Variants in PCF11 observed in about 807,000 individuals in gnomAD.
PCF11 encodes the protein PCF11 cleavage and polyadenylation factor subunit.
PCF11 carries 19 observed loss-of-function variants against 166.1 expected under a neutral mutation model. That is an observed-to-expected ratio of 0.11 (90% CI 0.08 to 0.17). The LOEUF is 0.17. PCF11 is among the 10% of genes least tolerant of loss of function. The pLI is 1.00. For missense variants in PCF11, 1,565 were observed against 1,855.5 expected (o/e 0.84, Z 2.88); for synonymous variants, 663 against 644.1 (o/e 1.03, Z -0.44).
At chr11:83,159,476 C>T (rs1032632996) in intron 1 of PCF11, among the ~76,000 whole-genome samples, 2 of 151,970 alleles carry the variant, frequency 1.3e-5, no homozygotes, top group African/African-American at 4.8e-5. Flanking sequence ...TTAATGGATC[C>T]GGAAGACCTT....
exon 1 of PCF11, chr11:83,157,273 C>T: frequency 1.6e-6 from 1 of 614,352 alleles, no homozygotes; most frequent in Non-Finnish European, 2.8e-6. Flanking sequence ...CGTTTCATAC[C>T]CGAGGTTCCC....
intron 1 of PCF11, 100 bp downstream of exon 1, chr11:83,157,731 TC>T: frequency 9.0e-7 from 1 of 1,107,928 alleles, no homozygotes; most frequent in Non-Finnish European, 1.3e-6. Flanking sequence ...GGGACAGTGT[TC>T]CTTCTCTCCA....
At chr11:83,171,384 A>G (rs577972092) in intron 8 of PCF11, 3 of 420,484 alleles carry the variant, frequency 7.1e-6, no homozygotes, top group African/African-American at 4.1e-5. Flanking sequence ...TTTTGCTCCT[A>G]ACTAGCCCTT....
exon 16 of PCF11, chr11:83,185,032 T>TAATA: frequency 1.7e-6 from 1 of 572,440 alleles, no homozygotes; most frequent in Non-Finnish European, 3.0e-6. Flanking sequence ...ATCATTTGGT[T>TAATA]AATAAATACA....
intron 9 of PCF11, among the ~76,000 whole-genome samples, chr11:83,172,573 C>T (rs1033818457): frequency 2.0e-5 from 3 of 152,094 alleles, no homozygotes; most frequent in Non-Finnish European, 4.4e-5. Context: ...CAGGCGTGTG[C>T]CACCAGACTG....
At position 83,182,019 on chromosome 11, in the gene PCF11, G is replaced by A. The variant is rs756480620; in HGVS notation, c.4323+10G>A. The A allele has an allele frequency of 1.9e-6, 3 of 1,589,246 alleles. No individual in the cohort carries two copies. The highest frequency in any genetic ancestry group is 1.9e-5 in the Admixed American group (1 of 53,362). ...AGCTGGAGCAGTTGAGGTGAGAGAA[G>A]AACGTTTAAGTTTTCTCACAGTGGG... On this transcript the variant is annotated intron_variant, in intron 13 of 15. Coordinates refer to ENST00000298281, the Ensembl canonical transcript of PCF11.
At chr11:83,174,314 G>A (rs1860801037) in intron 9 of PCF11, among the ~76,000 whole-genome samples, 2 of 151,906 alleles carry the variant, frequency 1.3e-5, no homozygotes, top group Non-Finnish European at 2.9e-5. Context: ...GTCATCTGCT[G>A]TATGCTAGGC....
exon 8 of PCF11, chr11:83,169,484 C>G: frequency 1.2e-6 from 2 of 1,613,424 alleles, no homozygotes. Context: ...TCACTCTTGC[C>G]AAGATTTGAT....
chr11:83,161,112 G>C (rs557558477), intron 1 of PCF11, among the ~76,000 whole-genome samples: 8 of 151,714 alleles, frequency 5.3e-5, no homozygotes, highest in Admixed American at 1.3e-4. Context: ...GATTACAGCT[G>C]TTGTTCATCC....
At chr11:83,185,254 A>G (rs1473646262) in exon 16 of PCF11, 1 of 159,842 alleles carries the variant, frequency 6.3e-6, no homozygotes, top group Non-Finnish European at 1.4e-5. Flanking sequence ...TGTACTTTTT[A>G]TTGGGTAAAA....
chr11:83,184,844 G>T, exon 16 of PCF11: 1 of 1,580,460 alleles, frequency 6.3e-7, no homozygotes, highest in Non-Finnish European at 8.5e-7. Flanking sequence ...GGAAAGCATA[G>T]CAACACCCTC....
chr11:83,177,977 C>T (rs556287571), intron 11 of PCF11, among the ~76,000 whole-genome samples, 158 bp downstream of exon 11: 4 of 148,122 alleles, frequency 2.7e-5, no homozygotes, highest in Admixed American at 2.7e-4. Context: ...GTAAAATATA[C>T]ATAACATAGT....
At chr11:83,173,586 TGTC>T (rs1413600454) in intron 9 of PCF11, among the ~76,000 whole-genome samples, 1 of 151,610 alleles carries the variant, frequency 6.6e-6, no homozygotes, top group Non-Finnish European at 1.5e-5. Context: ...ACTTGTAACT[TGTC>T]AAGTGCTATA....
intron 9 of PCF11, among the ~76,000 whole-genome samples, chr11:83,176,118 A>G (rs915275446): frequency 1.8e-4 from 28 of 152,306 alleles, no homozygotes; most frequent in East Asian, 9.7e-4. Context: ...ATATAAAACT[A>G]CTTTTTCCAG....
At chr11:83,170,157 G>T (rs1313074762) in intron 8 of PCF11, among the ~76,000 whole-genome samples, 162 bp downstream of exon 8, 1 of 152,128 alleles carries the variant, frequency 6.6e-6, no homozygotes, top group Non-Finnish European at 1.5e-5. Flanking sequence ...CATCTTTTGG[G>T]GATGAAATTT....
intron 15 of PCF11, 159 bp from the exon 16 acceptor site, chr11:83,184,520 G>A: frequency 1.6e-6 from 1 of 612,154 alleles, no homozygotes; most frequent in East Asian, 2.9e-5. Flanking sequence ...TTTATTTCTG[G>A]TTGTCTTTAT....
exon 16 of PCF11, chr11:83,185,614 A>G (rs573353097): frequency 1.3e-5 from 2 of 152,666 alleles, no homozygotes; most frequent in African/African-American, 4.8e-5. Context: ...TTTTTTTTAA[A>G]GACTTTTTCA....
At chr11:83,166,465 A>T (rs143961720) in exon 5 of PCF11, 1 of 1,614,010 alleles carries the variant, frequency 6.2e-7, no homozygotes, top group East Asian at 2.2e-5. Flanking sequence ...AAGATTCGCC[A>T]ATCTGGAGCT....
chr11:83,184,676 T>C lies in PCF11; in HGVS notation c.4453-3T>C, dbSNP rs747059526. On this transcript the variant is annotated splice_region_variant and splice_polypyrimidine_tract_variant and intron_variant, in intron 15 of 15. Transcript: ENST00000298281. ...AGTACTCATAGGGCCTTTCATTTTGTAGACATCTTCATTTGATTGTACACC... is the reference window on the plus strand; with the variant it reads ...AGTACTCATAGGGCCTTTCATTTTGCAGACATCTTCATTTGATTGTACACC... 6.2e-6 allele frequency: 10 copies of C among 1,604,588 alleles called. No homozygotes were observed. Among genetic ancestry groups the C allele is most frequent in the Non-Finnish European group, 7.7e-6 (9 of 1,174,046 alleles).
Sources: allele counts gnomAD v4.1 joint callset (sites outside exome capture counted in the v4.1 genomes callset), GRCh38; gene constraint gnomAD v4.1.1; transcripts MANE v1.5; gene names NCBI Gene and HGNC (gene_info 2026-07-23, HGNC 2026-07-21).